MCTP1: variants seen among roughly 807,000 people sequenced by gnomAD.
MCTP1 encodes multiple C2 and transmembrane domain containing 1.
In MCTP1, 69 loss-of-function variants were observed where a neutral mutation model predicts 120.6. The ratio of observed to expected loss-of-function variants is 0.57; its 90% CI spans 0.47 to 0.70. The LOEUF is 0.70. Among genes scored for constraint, MCTP1 ranks in the 30% least tolerant of loss-of-function variants. The pLI, the probability that MCTP1 is intolerant of heterozygous loss-of-function variation, is 0.00. For synonymous variants in MCTP1, 529 were observed against 493.1 expected, an observed-to-expected ratio of 1.07 and a Z score of -0.96; for missense variants, 1,203 against 1,248.8, an observed-to-expected ratio of 0.96 and a Z score of 0.55.
At chr5:95,103,106 T>G (rs1475510825) in intron 1 of MCTP1, among the ~76,000 whole-genome samples, 1 of 151,668 alleles carries the variant, frequency 6.6e-6, no homozygotes, top group African/African-American at 2.4e-5. Flanking sequence ...CTGTTATTAT[T>G]GTTTTATTAA....
In MCTP1 at chr5:94,850,742, A is replaced by G. The variant is rs142980542; in HGVS notation, c.2436+17591T>C. Among the ~76,000 whole-genome samples the G allele has an allele frequency of 5.9e-5, 9 of 152,250 alleles. No homozygotes were observed. The East Asian group carries it at 1.5e-3, about 26-fold the overall frequency. On this transcript the variant is annotated intron_variant, in intron 17 of 22. Transcript: ENST00000515393. ...CTGAAGGGGAAACGTTTCTCTCTCA[A>G]TAATGTATTATAATACCTCTAAATC...
At chr5:94,905,299 T>C (rs936156789) in intron 10 of MCTP1, among the ~76,000 whole-genome samples, 3 of 152,214 alleles carry the variant, frequency 2.0e-5, no homozygotes, top group Non-Finnish European at 2.9e-5. Context: ...GTGCAAAGTC[T>C]TATAGGCCAC....
chr5:94,815,400 A>G (rs750417589), intron 17 of MCTP1, among the ~76,000 whole-genome samples: 14 of 152,168 alleles, frequency 9.2e-5, no homozygotes, highest in Non-Finnish European at 4.4e-5. Flanking sequence ...TTCTCTATCT[A>G]TCAATTGCTG....
chr5:95,169,861 AT>A (rs528413903), intron 1 of MCTP1, among the ~76,000 whole-genome samples: 4 of 151,952 alleles, frequency 2.6e-5, no homozygotes, highest in East Asian at 3.9e-4. Flanking sequence ...GAATTCATTG[AT>A]TTTTTTAAGG....
chr5:94,874,644 C>T (rs1038939628), intron 12 of MCTP1, among the ~76,000 whole-genome samples: 2 of 152,036 alleles, frequency 1.3e-5, no homozygotes, highest in African/African-American at 4.8e-5. Flanking sequence ...TCTGTATTAT[C>T]TTTTTTTCCT....
intron 1 of MCTP1, among the ~76,000 whole-genome samples, chr5:95,252,351 A>G (rs1233166531): frequency 6.6e-6 from 1 of 152,168 alleles, no homozygotes; most frequent in Non-Finnish European, 1.5e-5. Context: ...TAGGGGCACT[A>G]TCTTCCTTGA....
intron 1 of MCTP1, among the ~76,000 whole-genome samples, chr5:95,039,248 T>C (rs368568933): frequency 2.0e-5 from 3 of 152,212 alleles, no homozygotes; most frequent in African/African-American, 7.2e-5. Flanking sequence ...TAGTATCTAA[T>C]TGAGACTTTA....
intron 1 of MCTP1, among the ~76,000 whole-genome samples, chr5:95,036,800 G>A (rs779911567): frequency 3.9e-5 from 6 of 152,120 alleles, no homozygotes; most frequent in Non-Finnish European, 5.9e-5. Context: ...AAACCATGGG[G>A]ATTATAGTTT....
chr5:94,835,104 A>G (rs1258101357), intron 17 of MCTP1, among the ~76,000 whole-genome samples: 1 of 152,200 alleles, frequency 6.6e-6, no homozygotes. Flanking sequence ...CGCATGAGCC[A>G]CCATGCCTGG....
rs141615285 is a variant in MCTP1 at position 94,950,439 on chromosome 5, T to C, written c.981+2780A>G. ...GCTTTCTTAGTTTCTTTACTCATAG[T>C]GTGTGATTAACCAAGCCTTCTGGCC... is the stretch of plus-strand genomic sequence containing the variant. On this transcript the variant is annotated intron_variant, in intron 3 of 22. Transcript: ENST00000515393. Among the ~76,000 whole-genome samples, 819 of 152,214 alleles carry C rather than the reference T, an allele frequency of 5.4e-3. 4 individuals carry two copies. The highest frequency in any genetic ancestry group is 0.019 in the African/African-American group (786 of 41,532).
chr5:94,740,308 T>C (rs1480907318), intron 19 of MCTP1, among the ~76,000 whole-genome samples: 1 of 152,220 alleles, frequency 6.6e-6, no homozygotes, highest in Admixed American at 6.5e-5. Context: ...TTTTTTTAGA[T>C]ATAAATAACC....
At chr5:94,921,488 C>A (rs960668671) in intron 7 of MCTP1, among the ~76,000 whole-genome samples, 3 of 152,128 alleles carry the variant, frequency 2.0e-5, no homozygotes, top group African/African-American at 7.2e-5. Context: ...CAATTCACAT[C>A]CTGCTTAACC....
chr5:94,874,165 T>C (rs114265374), intron 12 of MCTP1, among the ~76,000 whole-genome samples: 145 of 152,212 alleles, frequency 9.5e-4, no homozygotes, highest in African/African-American at 3.4e-3. Flanking sequence ...TCTTTTAAAC[T>C]ACAATATTGA....
intron 2 of MCTP1, among the ~76,000 whole-genome samples, chr5:95,008,551 A>G (rs530879924): frequency 5.9e-5 from 9 of 152,278 alleles, no homozygotes; most frequent in Non-Finnish European, 8.8e-5. Flanking sequence ...TACATGAAGA[A>G]AAGGAATTGT....
intron 2 of MCTP1, among the ~76,000 whole-genome samples, chr5:95,006,936 T>C (rs539728936): frequency 6.6e-6 from 1 of 152,120 alleles, no homozygotes. Flanking sequence ...CCAGAAAAAC[T>C]GGGATATATG....
At chr5:94,793,018 C>G (rs1779303210) in intron 18 of MCTP1, among the ~76,000 whole-genome samples, 1 of 152,084 alleles carries the variant, frequency 6.6e-6, no homozygotes, top group Admixed American at 6.6e-5. Flanking sequence ...TTCATTTGCT[C>G]AATCTGGCAA....
In MCTP1 at chr5:94,705,089, A is replaced by G. The variant is rs538049653; in HGVS notation, c.*2407T>C. ...ATATATTTAGTAGTTCACAATATCT[A>G]TAATAGTTAGCAGTCCAAGTAGATG... On this transcript the variant is annotated 3_prime_UTR_variant, in exon 23 of 23. Coordinates refer to ENST00000515393, the MANE Select transcript of MCTP1 (RefSeq NM_024717.7). 1.3e-5 allele frequency: 2 copies of G among 151,660 alleles called. No homozygotes were observed. The highest frequency in any genetic ancestry group is 2.0e-4 in the East Asian group (1 of 5,118). 9.4% of individuals were successfully genotyped at this position (151,660 alleles called of 1,614,324 possible).
intron 1 of MCTP1, among the ~76,000 whole-genome samples, chr5:95,188,240 T>C (rs1198631436): frequency 6.6e-6 from 1 of 152,114 alleles, no homozygotes; most frequent in Non-Finnish European, 1.5e-5. Context: ...ATAGCTCAGA[T>C]AAAAAAGAGT....
chr5:95,036,320 C>T (rs948407818), intron 1 of MCTP1, among the ~76,000 whole-genome samples: 1 of 152,158 alleles, frequency 6.6e-6, no homozygotes, highest in African/African-American at 2.4e-5. Flanking sequence ...ATAACAATTT[C>T]AAAGAGGGAA....
Sources: allele counts gnomAD v4.1 joint callset (sites outside exome capture counted in the v4.1 genomes callset), GRCh38; gene constraint gnomAD v4.1.1; transcripts MANE v1.5; gene names NCBI Gene and HGNC (gene_info 2026-07-23, HGNC 2026-07-21).